Variants in XKR9 observed in about 807,000 individuals in gnomAD.
XKR9 encodes XK related 9.
In XKR9, 32 loss-of-function variants were observed where a neutral mutation model predicts 32.0. That is an observed-to-expected ratio of 1.00 (90% CI 0.76 to 1.34). The LOEUF (loss-of-function observed/expected upper bound fraction) is 1.34, where lower values mean the gene tolerates loss of function less well. Ranked by LOEUF, XKR9 falls within the 40% of genes most tolerant of loss-of-function variation. The pLI is 0.00. For synonymous variants in XKR9, 168 were observed against 143.4 expected, an observed-to-expected ratio of 1.17 and a Z score of -1.22; for missense variants, 546 against 429.7, an observed-to-expected ratio of 1.27 and a Z score of -2.39.
At chr8:70,827,277 T>G in the XKR9 span, among the ~76,000 whole-genome samples, 1 of 152,192 alleles carries the variant, frequency 6.6e-6, no homozygotes, top group Non-Finnish European at 1.5e-5. Context: ...AGTTATAAAA[T>G]GCAGTTCCTA....
chr8:70,708,078 A>G (rs1000842503), intron 4 of XKR9, among the ~76,000 whole-genome samples: 4 of 151,996 alleles, frequency 2.6e-5, no homozygotes, highest in Admixed American at 2.6e-4. Context: ...CCTCTAGAAC[A>G]TGGTCCCTTC....
At chr8:70,906,145 C>T in the XKR9 span, among the ~76,000 whole-genome samples, 2 of 152,202 alleles carry the variant, frequency 1.3e-5, no homozygotes, top group Admixed American at 1.3e-4. Flanking sequence ...AAGCACTACT[C>T]TCTTCAAAGC....
the XKR9 span, among the ~76,000 whole-genome samples, chr8:70,840,276 T>A: frequency 2.0e-5 from 3 of 152,174 alleles, no homozygotes; most frequent in Admixed American, 1.3e-4. Flanking sequence ...GGTTGAGATA[T>A]GGAAACTCAG....
chr8:71,061,706 A>G, the XKR9 span, among the ~76,000 whole-genome samples: 1 of 152,204 alleles, frequency 6.6e-6, no homozygotes, highest in South Asian at 2.1e-4. Context: ...GCTGAGATAT[A>G]GAGGCTAAGT....
intron 2 of XKR9, among the ~76,000 whole-genome samples, chr8:70,773,546 C>T (rs1057464968): frequency 6.6e-6 from 1 of 152,144 alleles, no homozygotes; most frequent in Non-Finnish European, 1.5e-5. Context: ...AGGGGAGAAA[C>T]ACTTGGATTA....
chr8:70,852,705 G>T, the XKR9 span, among the ~76,000 whole-genome samples: 1 of 152,122 alleles, frequency 6.6e-6, no homozygotes. Flanking sequence ...TCAGGGACGT[G>T]GATGAAGCTG....
At chr8:70,827,316 G>A in the XKR9 span, among the ~76,000 whole-genome samples, 1 of 152,226 alleles carries the variant, frequency 6.6e-6, no homozygotes. Flanking sequence ...AAGAAAAACA[G>A]TATGACACAA....
chr8:70,857,552 AC>A, the XKR9 span, among the ~76,000 whole-genome samples: 3 of 152,246 alleles, frequency 2.0e-5, no homozygotes, highest in Non-Finnish European at 4.4e-5. Context: ...AGGAGCTGGT[AC>A]CTTTCCTTCT....
chr8:70,923,245 G>GATAT, the XKR9 span, among the ~76,000 whole-genome samples: 2 of 152,250 alleles, frequency 1.3e-5, no homozygotes, highest in Non-Finnish European at 2.9e-5. Context: ...AGTTAACACA[G>GATAT]ATATATGAAC....
chr8:70,771,940 A>G (rs902296170), intron 2 of XKR9, among the ~76,000 whole-genome samples: 3 of 152,226 alleles, frequency 2.0e-5, no homozygotes, highest in African/African-American at 7.2e-5. Context: ...TTTATTAAAA[A>G]TCCCAGGAAA....
the XKR9 span, among the ~76,000 whole-genome samples, chr8:71,063,741 C>T: frequency 6.6e-6 from 1 of 152,066 alleles, no homozygotes; most frequent in Non-Finnish European, 1.5e-5. Flanking sequence ...ACTAAATTCT[C>T]CTGAAGGTGC....
the XKR9 span, among the ~76,000 whole-genome samples, chr8:70,850,833 A>G: frequency 6.6e-6 from 1 of 152,222 alleles, no homozygotes; most frequent in Non-Finnish European, 1.5e-5. Flanking sequence ...ATCATACTGA[A>G]TGGGCAAAAA....
At chr8:70,864,720 C>A in the XKR9 span, among the ~76,000 whole-genome samples, 2 of 152,120 alleles carry the variant, frequency 1.3e-5, no homozygotes, top group African/African-American at 4.8e-5. Flanking sequence ...TATCATTTCT[C>A]TGCTTGGGAC....
chr8:71,024,671 A>G, the XKR9 span, among the ~76,000 whole-genome samples: 2 of 152,164 alleles, frequency 1.3e-5, no homozygotes, highest in African/African-American at 4.8e-5. Flanking sequence ...TAGGATTACA[A>G]GAGTCCATGG....
the XKR9 span, among the ~76,000 whole-genome samples, chr8:71,026,556 T>A: frequency 1.3e-5 from 2 of 152,188 alleles, no homozygotes; most frequent in African/African-American, 4.8e-5. Context: ...GGGAAAACAA[T>A]TGCTATTGTC....
the XKR9 span, among the ~76,000 whole-genome samples, chr8:70,835,880 C>T: frequency 6.6e-6 from 1 of 152,022 alleles, no homozygotes; most frequent in Non-Finnish European, 1.5e-5. Flanking sequence ...AACATTCTTT[C>T]ACTGCTAATA....
intron 4 of XKR9, among the ~76,000 whole-genome samples, chr8:70,722,884 A>T (rs531606511): frequency 1.3e-3 from 191 of 148,618 alleles, no homozygotes; most frequent in African/African-American, 4.4e-3. Context: ...ATATCCTGAA[A>T]TTTTTTTTTT....
intron 3 of XKR9, among the ~76,000 whole-genome samples, chr8:70,704,856 AT>A (rs113335294): frequency 5.3e-5 from 8 of 152,074 alleles, no homozygotes; most frequent in African/African-American, 1.9e-4. Flanking sequence ...AGTATTAATC[AT>A]TTTTTTTCTT....
the XKR9 span, among the ~76,000 whole-genome samples, chr8:70,844,681 C>T: frequency 6.6e-6 from 1 of 152,238 alleles, no homozygotes; most frequent in Non-Finnish European, 1.5e-5. Context: ...CTGTTCACCA[C>T]CGTCATCTGT....
Sources: gnomAD v4.1 joint callset for allele counts (sites outside exome capture counted in the v4.1 genomes callset) on GRCh38, gnomAD v4.1.1 for gene constraint, MANE v1.5 for transcripts, NCBI Gene and HGNC (gene_info 2026-07-23, HGNC 2026-07-21) for gene names.